The following PPM1E variants were observed in gnomAD, a reference collection of about 807,000 sequenced individuals.
PPM1E encodes the protein protein phosphatase 1E.
A neutral mutation model predicts 65.9 loss-of-function variants in PPM1E; 20 were observed. That is an observed-to-expected ratio of 0.30 (90% CI 0.21 to 0.44). The LOEUF (loss-of-function observed/expected upper bound fraction) is 0.44. PPM1E is among the 20% of genes least tolerant of loss of function. The pLI, the probability that PPM1E is intolerant of heterozygous loss-of-function variation, is 1.00. For missense variants in PPM1E, 713 were observed against 953.1 expected, an observed-to-expected ratio of 0.75 and a Z score of 3.32; for synonymous variants, 352 against 374.9, an observed-to-expected ratio of 0.94 and a Z score of 0.70.
chr17:58,877,338 CTCT>C (rs992547497), intron 1 of PPM1E, among the ~76,000 whole-genome samples: 60 of 152,078 alleles, frequency 3.9e-4, no homozygotes, highest in African/African-American at 1.4e-3. Context: ...TTTTAAAATT[CTCT>C]TCTTTAATTC....
Position 58,915,288 on chromosome 17 carries a change from A to G in PPM1E, c.465-40361A>G, listed in dbSNP as rs1239967107. Among the ~76,000 whole-genome samples the G allele has an allele frequency of 4.6e-5, 7 of 152,146 alleles. No individual in the cohort carries two copies. The South Asian group carries it at 8.3e-4, about 18-fold the overall frequency. ...TTCATGCCTCCCCTTTTTAGATCCT[A>G]TAGGATAACTTTCTCATGTTGCCAT... On this transcript the variant is annotated intron_variant, in intron 1 of 6. Transcript: ENST00000308249.
At chr17:58,961,661 C>G (rs932075815) in intron 2 of PPM1E, among the ~76,000 whole-genome samples, 1 of 152,118 alleles carries the variant, frequency 6.6e-6, no homozygotes, top group Non-Finnish European at 1.5e-5. Context: ...CTGTCTATAC[C>G]AGCTCTGTCC....
chr17:58,964,771 C>T (rs1342106528), intron 2 of PPM1E, among the ~76,000 whole-genome samples: 4 of 152,064 alleles, frequency 2.6e-5, no homozygotes, highest in Non-Finnish European at 4.4e-5. Flanking sequence ...AGGCCGGGTG[C>T]GGTGGCTCAC....
chr17:58,849,864 C>G (rs1439424213), intron 1 of PPM1E, among the ~76,000 whole-genome samples: 1 of 152,078 alleles, frequency 6.6e-6, no homozygotes, highest in Non-Finnish European at 1.5e-5. Flanking sequence ...GTTGATCTGT[C>G]TAATGTTGAC....
At chr17:58,959,088 C>T (rs929828361) in intron 2 of PPM1E, among the ~76,000 whole-genome samples, 1 of 151,340 alleles carries the variant, frequency 6.6e-6, no homozygotes, top group Non-Finnish European at 1.5e-5. Context: ...GCAGGCAGAT[C>T]ACCTGAGGTT....
intron 1 of PPM1E, among the ~76,000 whole-genome samples, chr17:58,940,059 T>C (rs12936058): frequency 0.64 from 96,883 of 151,978 alleles, 31,267 homozygotes; most frequent in African/African-American, 0.71. Context: ...TCCAAACTGC[T>C]ATGAGTATTG....
chr17:58,809,126 CTG>C (rs1315327732), intron 1 of PPM1E, among the ~76,000 whole-genome samples: 1 of 152,046 alleles, frequency 6.6e-6, no homozygotes, highest in Non-Finnish European at 1.5e-5. Flanking sequence ...GGGACTTGCT[CTG>C]TCACTCAGGC....
rs1567887685 is a variant in PPM1E, at chr17:58,955,688, C to T, written c.504C>T (p.Ala168=). 6.2e-7 allele frequency: 1 copy of T among 1,613,544 alleles called. No individual in the cohort carries two copies. ...PSFLAAALAR[A]TSDEVLQSDL... ...TTTTGGCTGCTGCTTTAGCCAGAGC[C>T]ACATCAGATGAAGTCCTTCAGAGTG... The change falls in exon 2 of 7, where the codon GCC becomes GCT. Residue 168 remains alanine (A), a synonymous_variant. Transcript: ENST00000308249.
rs1359511248 is a variant in PPM1E, at chr17:58,983,025, C to T, written c.*1994C>T. On this transcript the variant is annotated 3_prime_UTR_variant, in exon 7 of 7. Transcript: ENST00000308249. ...AGCTTTTTAAAATTTCTATTGTTGTCTATTGGTAATGTTTTTGATCAGAAT... is the reference window on the plus strand; with the variant it reads ...AGCTTTTTAAAATTTCTATTGTTGTTTATTGGTAATGTTTTTGATCAGAAT... The T allele has an allele frequency of 9.4e-7, 1 of 1,061,008 alleles. No homozygotes were observed. Among genetic ancestry groups the T allele is most frequent in the Non-Finnish European group, 1.4e-6 (1 of 725,674 alleles). The allele number at this position is 1,061,008 out of a possible 1,614,324, so 65.7% of individuals were successfully genotyped here.
chr17:58,827,915 AATAAT>A (rs2050558538), intron 1 of PPM1E, among the ~76,000 whole-genome samples: 4 of 95,458 alleles, frequency 4.2e-5, no homozygotes, highest in African/African-American at 8.4e-5. Flanking sequence ...AAAAAAAAAT[AATAAT>A]AATAATAATA....
rs186075546 is a variant in PPM1E, at chr17:58,822,412, G to A, written c.464+65951G>A. ...TCCCAAGTATCTTTCTCCAAAACAA[G>A]AGGGAATACCAGCTGACTTCTGATT... On this transcript the variant is annotated intron_variant, in intron 1 of 6. Transcript: ENST00000308249. Among the ~76,000 whole-genome samples, 268 of 151,664 alleles carry A rather than the reference G, an allele frequency of 1.8e-3. 1 individual carries two copies. The highest frequency in any genetic ancestry group is 6.0e-3 in the African/African-American group (250 of 41,336).
intron 1 of PPM1E, among the ~76,000 whole-genome samples, chr17:58,781,417 A>G (rs2050048444): frequency 6.6e-6 from 1 of 152,026 alleles, no homozygotes; most frequent in African/African-American, 2.4e-5. Context: ...CTAGGATTAT[A>G]GTTGTCAGCC....
At position 58,983,125 on chromosome 17, in the gene PPM1E, G is replaced by A; in HGVS notation, c.*2094G>A. On this transcript the variant is annotated 3_prime_UTR_variant, in exon 7 of 7. Coordinates refer to ENST00000308249, the MANE Select transcript of PPM1E (RefSeq NM_014906.5). ...GGGAAAAAAATGGCTGGATAGAACTGGGACAAACACAGACCCATCTTTAGG... is the reference window on the plus strand; with the variant it reads ...GGGAAAAAAATGGCTGGATAGAACTAGGACAAACACAGACCCATCTTTAGG... The A allele has an allele frequency of 1.9e-6, 1 of 537,630 alleles. No homozygotes were observed. The allele number at this position is 537,630 out of a possible 1,614,324, so 33.3% of individuals were successfully genotyped here. A position where few individuals can be genotyped will look rare whatever the true frequency, so the allele number is the denominator to read the frequency against.
At chr17:58,940,701 A>T (rs2052052683) in intron 1 of PPM1E, among the ~76,000 whole-genome samples, 1 of 150,586 alleles carries the variant, frequency 6.6e-6, no homozygotes, top group African/African-American at 2.5e-5. Flanking sequence ...TTTTCAGATC[A>T]TTTTTGTTTT....
rs759162654 is a variant in PPM1E at position 58,980,779 on chromosome 17, C to G, written c.2016C>G (p.His672Gln). The G allele has an allele frequency of 3.1e-6, 5 of 1,614,146 alleles. No individual in the cohort carries two copies. In the South Asian group the frequency reaches 3.3e-5, roughly 11 times the overall value. ...TTTCTAGATTGTCTCATTTACGCCACCACTACTCAAAGAAGTGGCACAGAT... is the reference window on the plus strand; with the variant it reads ...TTTCTAGATTGTCTCATTTACGCCAGCACTACTCAAAGAAGTGGCACAGAT... Reference protein sequence around the residue: ...NRVSRLSHLRHHYSKKWHRFR... With the variant: ...NRVSRLSHLRQHYSKKWHRFR... Residue 672 changes from histidine to glutamine, a missense_variant, in exon 7 of 7, where the codon CAC becomes CAG. By Grantham distance (24) the His-to-Gln change is conservative (BLOSUM62 0). Around this residue, in one of 6 missense-constraint regions of PPM1E, gnomAD observed 286 missense variants for 313.8 expected, o/e 0.91. Coordinates refer to ENST00000308249, the MANE Select transcript of PPM1E (RefSeq NM_014906.5). This position sits in a 1 kb window ranked among gnomAD's most constrained non-coding sequence, Gnocchi z 4.7.
At chr17:58,784,727 G>C (rs2050082668) in intron 1 of PPM1E, among the ~76,000 whole-genome samples, 3 of 151,954 alleles carry the variant, frequency 2.0e-5, no homozygotes, top group African/African-American at 4.8e-5. Flanking sequence ...GTTTCCCCAT[G>C]TTGGCCAGGA....
rs185254240 is a variant in PPM1E, at chr17:58,860,801, G to T, written c.465-94848G>T. On this transcript the variant is annotated intron_variant, in intron 1 of 6. Transcript: ENST00000308249. ...TCTACTAAAAATACAAAAATTAGCC[G>T]GGCATGGTGCACATGTAATCCCAGC... 2.0e-4 allele frequency among the ~76,000 whole-genome samples: 30 copies of T among 152,122 alleles called. 1 individual carries two copies. Among genetic ancestry groups the T allele is most frequent in the Admixed American group, 1.9e-3 (29 of 15,288 alleles).
In PPM1E at chr17:58,796,680, G is replaced by T. The variant is rs540271611; in HGVS notation, c.464+40219G>T. 1.4e-4 allele frequency among the ~76,000 whole-genome samples: 21 copies of T among 152,302 alleles called. No homozygotes were observed. The East Asian group carries it at 4.0e-3, about 29-fold the overall frequency. ...AATTTTTGAGGCATATGGAAAAATT[G>T]TAGGCATTGAACAGTGAACACCCAT... On this transcript the variant is annotated intron_variant, in intron 1 of 6. Transcript: ENST00000308249.
chr17:58,908,955 T>C (rs1000628341), intron 1 of PPM1E, among the ~76,000 whole-genome samples: 1 of 152,188 alleles, frequency 6.6e-6, no homozygotes, highest in Admixed American at 6.5e-5. Flanking sequence ...TGGATATATA[T>C]ACACACATAA....
Sources: gnomAD v4.1 joint callset for allele counts (sites outside exome capture counted in the v4.1 genomes callset) on GRCh38, gnomAD v4.1.1 for gene constraint, gnomAD v4.1.1 regional missense constraint, Gnocchi (gnomAD v3.1) non-coding constraint, MANE v1.5 for transcripts, NCBI Gene and HGNC (gene_info 2026-07-23, HGNC 2026-07-21) for gene names.